Variants in MARCHF1 observed in about 807,000 individuals in gnomAD.
MARCHF1 encodes membrane associated ring-CH-type finger 1.
Under a neutral mutation model 54.2 loss-of-function variants are expected in MARCHF1, and 40 were observed. That is an observed-to-expected ratio of 0.74 (90% CI 0.57 to 0.96). The LOEUF (loss-of-function observed/expected upper bound fraction) is 0.96, where lower values mean the gene tolerates loss of function less well. MARCHF1 is among the 40% of genes least tolerant of loss of function. The probability of loss-of-function intolerance (pLI) is 0.00; values close to 1 mark genes in which losing one functional copy is unlikely to be tolerated. For synonymous variants in MARCHF1, 236 were observed against 236.3 expected (o/e 1.00, Z 0.01); for missense variants, 586 against 656.5 (o/e 0.89, Z 1.17).
chr4:164,189,035 T>C (rs1731053481), intron 1 of MARCHF1: 1 of 689,560 alleles, frequency 1.5e-6, no homozygotes, highest in Non-Finnish European at 2.6e-6. Context: ...GGAGAAGACA[T>C]CCTGTTGTTC....
At chr4:164,009,773 A>G (rs1753377789) in intron 2 of MARCHF1, among the ~76,000 whole-genome samples, 1 of 152,128 alleles carries the variant, frequency 6.6e-6, no homozygotes, top group African/African-American at 2.4e-5. Flanking sequence ...AAAAGCTCTC[A>G]TTCAATGGGT....
chr4:163,649,696 G>T (rs1368033582), intron 5 of MARCHF1, among the ~76,000 whole-genome samples: 5 of 151,866 alleles, frequency 3.3e-5, no homozygotes, highest in Admixed American at 3.3e-4. Context: ...CTCAAATGCA[G>T]CTAACTGACC....
chr4:163,751,231 G>C (rs1746510529), intron 4 of MARCHF1, among the ~76,000 whole-genome samples: 1 of 151,640 alleles, frequency 6.6e-6, no homozygotes, highest in Non-Finnish European at 1.5e-5. Context: ...CTACAGGTGT[G>C]ATCATAGCTC....
intron 2 of MARCHF1, among the ~76,000 whole-genome samples, chr4:164,052,529 C>CA (rs375832848): frequency 1.9e-4 from 28 of 145,194 alleles, no homozygotes; most frequent in East Asian, 1.2e-3. Flanking sequence ...GACTTCGTCT[C>CA]AAAAAAAAAA....
intron 1 of MARCHF1, among the ~76,000 whole-genome samples, chr4:164,172,964 G>A (rs1020397497): frequency 1.5e-5 from 2 of 132,276 alleles, no homozygotes; most frequent in South Asian, 2.3e-4. Context: ...CTGGGCTACA[G>A]AGCGAGACTC....
Position 163,738,128 on chromosome 4 carries a change from A to G in MARCHF1, c.112-37265T>C, listed in dbSNP as rs372819210. 1.8e-4 allele frequency among the ~76,000 whole-genome samples: 27 copies of G among 152,282 alleles called. No individual in the cohort carries two copies. In the East Asian group the frequency reaches 5.2e-3, roughly 29 times the overall value. On this transcript the variant is annotated intron_variant, in intron 4 of 9. Coordinates refer to ENST00000514618, the MANE Select transcript of MARCHF1 (RefSeq NM_001394959.1). ...GATCTGGTCCTAACAAACATATTTC[A>G]GTTCTTATTCTTGTTGCTTCAGAAG...
At chr4:164,310,291 T>C (rs1318297268) in intron 1 of MARCHF1, among the ~76,000 whole-genome samples, 1 of 152,084 alleles carries the variant, frequency 6.6e-6, no homozygotes, top group Non-Finnish European at 1.5e-5. Context: ...TTGGCCAGGA[T>C]GGTCTTGATC....
chr4:163,680,437 A>G (rs1012101094), intron 5 of MARCHF1, among the ~76,000 whole-genome samples: 3 of 152,222 alleles, frequency 2.0e-5, no homozygotes, highest in Admixed American at 6.5e-5. Context: ...GGTAACTAGT[A>G]CTTGTGTCTT....
At chr4:164,277,714 G>A (rs1733922136) in intron 1 of MARCHF1, among the ~76,000 whole-genome samples, 1 of 152,168 alleles carries the variant, frequency 6.6e-6, no homozygotes. Context: ...CAACACAACT[G>A]CACTTTTATA....
chr4:163,610,068 G>A (rs957686226), intron 7 of MARCHF1, among the ~76,000 whole-genome samples: 2 of 151,928 alleles, frequency 1.3e-5, no homozygotes, highest in African/African-American at 2.4e-5. Flanking sequence ...GAGTTCTAAC[G>A]TAAATTCTAT....
chr4:163,616,209 T>A (rs367575259), intron 5 of MARCHF1, among the ~76,000 whole-genome samples: 1 of 152,094 alleles, frequency 6.6e-6, no homozygotes, highest in Admixed American at 6.6e-5. Context: ...AAAAACAAAA[T>A]AGACAAATGA....
chr4:163,744,019 T>C (rs771180984), intron 4 of MARCHF1, among the ~76,000 whole-genome samples: 1 of 152,214 alleles, frequency 6.6e-6, no homozygotes, highest in Non-Finnish European at 1.5e-5. Context: ...GTACTTCAAA[T>C]GTAGTTGTTC....
chr4:163,786,419 T>TC (rs1304364958), intron 4 of MARCHF1, among the ~76,000 whole-genome samples: 1 of 151,940 alleles, frequency 6.6e-6, no homozygotes, highest in African/African-American at 2.4e-5. Context: ...CACCTTTTTT[T>TC]CTCACTCTTT....
chr4:163,624,347 C>G (rs1375282614), intron 5 of MARCHF1, among the ~76,000 whole-genome samples: 1 of 152,174 alleles, frequency 6.6e-6, no homozygotes, highest in East Asian at 1.9e-4. Flanking sequence ...TTCCTTCAAG[C>G]GGTCAATTCT....
intron 2 of MARCHF1, among the ~76,000 whole-genome samples, chr4:164,090,865 A>G (rs181342388): frequency 2.9e-4 from 44 of 152,294 alleles, no homozygotes; most frequent in Admixed American, 2.6e-3. Flanking sequence ...AACACCAGGA[A>G]TAAAACACCA....
chr4:164,271,984 AAAG>A (rs1190579128), intron 1 of MARCHF1, among the ~76,000 whole-genome samples: 3 of 151,982 alleles, frequency 2.0e-5, no homozygotes, highest in Non-Finnish European at 4.4e-5. Context: ...TGCATAAACA[AAAG>A]AAGGCAAAAC....
chr4:164,171,020 A>T (rs1211779997), intron 1 of MARCHF1, among the ~76,000 whole-genome samples: 1 of 152,134 alleles, frequency 6.6e-6, no homozygotes, highest in Non-Finnish European at 1.5e-5. Flanking sequence ...ACTTATGGAG[A>T]CCCCAAATTG....
At chr4:164,284,138 C>T (rs1310214509) in intron 1 of MARCHF1, among the ~76,000 whole-genome samples, 1 of 150,980 alleles carries the variant, frequency 6.6e-6, no homozygotes, top group African/African-American at 2.4e-5. Flanking sequence ...CTAAGGTTCG[C>T]TATTCAAATC....
chr4:164,138,156 C>A (rs537092384), intron 1 of MARCHF1, among the ~76,000 whole-genome samples: 1 of 151,636 alleles, frequency 6.6e-6, no homozygotes, highest in Non-Finnish European at 1.5e-5. Flanking sequence ...CCAAATAAGA[C>A]ATTTTCATTT....
Sources: allele counts gnomAD v4.1 joint callset (sites outside exome capture counted in the v4.1 genomes callset), GRCh38; gene constraint gnomAD v4.1.1; transcripts MANE v1.5; gene names NCBI Gene and HGNC (gene_info 2026-07-23, HGNC 2026-07-21).